RASIP1: variants seen among roughly 807,000 people sequenced by gnomAD.
RASIP1 encodes ras-interacting protein 1.
A neutral mutation model predicts 85.3 loss-of-function variants in RASIP1; 20 were observed. The ratio of observed to expected loss-of-function variants is 0.23; its 90% CI spans 0.17 to 0.34. The LOEUF (loss-of-function observed/expected upper bound fraction) is 0.34. Among genes scored for constraint, RASIP1 ranks in the 10% least tolerant of loss-of-function variants. RASIP1 has a pLI of 1.00. For missense variants in RASIP1, 1,170 were observed against 1,390.9 expected (o/e 0.84, Z 2.53); for synonymous variants, 617 against 647.1 (o/e 0.95, Z 0.71).
intron 4 of RASIP1, among the ~76,000 whole-genome samples, chr19:48,734,201 A>G (rs1380637362): frequency 6.6e-6 from 1 of 151,716 alleles, no homozygotes; most frequent in East Asian, 2.0e-4. Context: ...AGGCTGAGGC[A>G]GGAGAATGGC....
Position 48,732,048 on chromosome 19 carries a change from C to CT in RASIP1, c.1180-2459dup, listed in dbSNP as rs370478364. On this transcript the variant is annotated intron_variant, in intron 4 of 11. Coordinates refer to ENST00000222145, the MANE Select transcript of RASIP1 (RefSeq NM_017805.3). ...AAGGAATGAACAATTCAAATGAAACCTTTTTTTTTTAATCTCTTTTTTTTT... is the reference window on the plus strand; with the variant it reads ...AAGGAATGAACAATTCAAATGAAACCTTTTTTTTTTTAATCTCTTTTTTTTT... Among the ~76,000 whole-genome samples the CT allele has an allele frequency of 3.7e-3, 548 of 146,334 alleles. 2 individuals are homozygous for CT. Among genetic ancestry groups the CT allele is most frequent in the Middle Eastern group, 0.014 (4 of 288 alleles).
chr19:48,727,168 G>A lies in RASIP1; in HGVS notation c.1872-10C>T, dbSNP rs1351862646. The A allele has an allele frequency of 3.1e-6, 5 of 1,613,260 alleles. No individual in the cohort carries two copies. The highest frequency in any genetic ancestry group is 1.7e-5 in the Admixed American group (1 of 59,972). On this transcript the variant is annotated splice_polypyrimidine_tract_variant and intron_variant, in intron 6 of 11. Coordinates refer to ENST00000222145, the MANE Select transcript of RASIP1 (RefSeq NM_017805.3). ...GACCCCCTCAGGGTGGCTTGAAAAA[G>A]AGGAAGGAATTTGTGATCCCTGCCC...
At chr19:48,734,399 G>A (rs1178954073) in intron 4 of RASIP1, among the ~76,000 whole-genome samples, 2 of 150,842 alleles carry the variant, frequency 1.3e-5, no homozygotes, top group Non-Finnish European at 2.9e-5. Context: ...CGGAAGCCTC[G>A]ACCTCCTGAG....
At chr19:48,732,983 C>T (rs988542403) in intron 4 of RASIP1, among the ~76,000 whole-genome samples, 2 of 152,180 alleles carry the variant, frequency 1.3e-5, no homozygotes, top group African/African-American at 4.8e-5. Context: ...CCATTGTTAA[C>T]CATCAGTTGG....
At chr19:48,727,790 G>T (rs764165192) in intron 5 of RASIP1, among the ~76,000 whole-genome samples, 12 of 150,530 alleles carry the variant, frequency 8.0e-5, no homozygotes, top group Non-Finnish European at 1.6e-4. Context: ...AGGTTCAAGT[G>T]ATTCTCCTGC....
intron 4 of RASIP1, 114 bp from the exon 5 acceptor site, chr19:48,729,704 TTCTTC>T: frequency 7.9e-6 from 7 of 883,724 alleles, no homozygotes; most frequent in Non-Finnish European, 1.2e-5. Context: ...TTTTTCCTTC[TTCTTC>T]TTTTTTTTTT....
rs2033621887 is a variant in RASIP1, at chr19:48,738,943, C to T, written c.823+17G>A. 7 of 1,208,310 alleles carry T rather than the reference C, an allele frequency of 5.8e-6. No homozygotes were observed. Among genetic ancestry groups the T allele is most frequent in the Non-Finnish European group, 7.2e-6 (7 of 973,602 alleles). 74.8% of individuals were successfully genotyped at this position (1,208,310 alleles called of 1,614,324 possible). On this transcript the variant is annotated intron_variant, in intron 3 of 11. Transcript: ENST00000222145. This position sits in a 1 kb window ranked among gnomAD's most constrained non-coding sequence, Gnocchi z 4.0. ...CTGGCACCGAGTCCCCGCCCCAGAG[C>T]CCCGCCCGCCGCTCACCTTCGCTGT... is the stretch of plus-strand genomic sequence containing the variant.
In RASIP1 at chr19:48,738,500, C is replaced by T. The variant is rs568573358; in HGVS notation, c.823+460G>A. On this transcript the variant is annotated intron_variant, in intron 3 of 11. Coordinates refer to ENST00000222145, the MANE Select transcript of RASIP1 (RefSeq NM_017805.3). The surrounding 1 kb of genome is among the most constrained non-coding windows in gnomAD (Gnocchi z 4.0). ...CTCTAACCTACCACACAGGGCGAAT[C>T]CCTTAGGCCCCTGCGGACTCCTGCC... 3.2e-5 allele frequency: 5 copies of T among 154,140 alleles called. No individual in the cohort carries two copies. Among genetic ancestry groups the T allele is most frequent in the Middle Eastern group, 6.7e-3 (2 of 300 alleles). The allele number at this position is 154,140 out of a possible 1,614,324, so 9.5% of individuals were successfully genotyped here.
Position 48,739,019 on chromosome 19 carries a change from C to G in RASIP1, c.764G>C (p.Arg255Pro). The change falls in exon 3 of 12, where the codon CGC (arginine) becomes CCC (proline). Residue 255 changes from arginine to proline, a missense_variant. Coordinates refer to ENST00000222145, the MANE Select transcript of RASIP1 (RefSeq NM_017805.3). This position sits in a 1 kb window ranked among gnomAD's most constrained non-coding sequence, Gnocchi z 9.2. ...CAGGCGCCGCGCCTCCTCGCGGCCG[C>G]GCAACTCGAAGCGCCGCGCCCAGCC... is the stretch of plus-strand genomic sequence containing the variant. ...RPGWARRFEL[R>P]GREEARRLEQ... The G allele has an allele frequency of 8.0e-7, 1 of 1,246,890 alleles. No individual in the cohort carries two copies. The highest frequency in any genetic ancestry group is 1.0e-6 in the Non-Finnish European group (1 of 999,330). The allele number at this position is 1,246,890 out of a possible 1,614,324, so 77.2% of individuals were successfully genotyped here. A position where few individuals can be genotyped will look rare whatever the true frequency, so the allele number is the denominator to read the frequency against.
At chr19:48,722,944 GGCAT>G (rs1356498195) in intron 10 of RASIP1, among the ~76,000 whole-genome samples, 1 of 152,096 alleles carries the variant, frequency 6.6e-6, no homozygotes, top group Non-Finnish European at 1.5e-5. Flanking sequence ...GGAGTACAGT[GGCAT>G]GACTGTGGCT....
chr19:48,724,616 G>A lies in RASIP1; in HGVS notation c.2371+101C>T, dbSNP rs1243217643. 2.5e-6 allele frequency: 4 copies of A among 1,573,604 alleles called. No individual in the cohort carries two copies. Among genetic ancestry groups the A allele is most frequent in the African/African-American group, 1.3e-5 (1 of 74,152 alleles). On this transcript the variant is annotated intron_variant, in intron 9 of 11. Coordinates refer to ENST00000222145, the MANE Select transcript of RASIP1 (RefSeq NM_017805.3). This position sits in a 1 kb window ranked among gnomAD's most constrained non-coding sequence, Gnocchi z 4.6. ...CTGGGATCTGGAGCTTGTTCTCCAGGGTACCCAAAGGTGAGGCTTGAGCCC... is the reference window on the plus strand; with the variant it reads ...CTGGGATCTGGAGCTTGTTCTCCAGAGTACCCAAAGGTGAGGCTTGAGCCC...
At chr19:48,725,088 C>G (rs1364128216) in intron 8 of RASIP1, 128 bp from the exon 9 acceptor site, 1 of 1,158,854 alleles carries the variant, frequency 8.6e-7, no homozygotes, top group Non-Finnish European at 1.2e-6. Context: ...ATTCTACAGT[C>G]AACACCCAAA....
At position 48,739,582 on chromosome 19, in the gene RASIP1, C is replaced by T. The variant is rs1366400319; in HGVS notation, c.201G>A (p.Val67=). The change falls in exon 3 of 12, where the codon GTG becomes GTA. Residue 67 remains valine, a synonymous_variant. Transcript: ENST00000222145. This position sits in a 1 kb window ranked among gnomAD's most constrained non-coding sequence, Gnocchi z 9.2. ...TGACAGCGCCCACTCGCCGCAGCTCCACGTGCGGCGGGGGCGGAGGTAGCG... is the reference window on the plus strand; with the variant it reads ...TGACAGCGCCCACTCGCCGCAGCTCTACGTGCGGCGGGGGCGGAGGTAGCG... ...SEPLPPPPPH[V]ELRRVGAVKA... The T allele has an allele frequency of 2.7e-6, 4 of 1,491,392 alleles. No homozygotes were observed. The African/African-American group carries it at 5.7e-5, about 21-fold the overall frequency. The allele number at this position is 1,491,392 out of a possible 1,614,324, so 92.4% of individuals were successfully genotyped here.
chr19:48,737,937 T>C, intron 3 of RASIP1: 1 of 984,400 alleles, frequency 1.0e-6, no homozygotes, highest in Non-Finnish European at 1.2e-6. Context: ...GGACAGTTTT[T>C]TGTTTGTTTG....
rs1455805584 is a variant in RASIP1, at chr19:48,739,183, G to A, written c.600C>T (p.Asp200=). 1 of 1,470,644 alleles carries A rather than the reference G, an allele frequency of 6.8e-7. No homozygotes were observed. Among genetic ancestry groups the A allele is most frequent in the Non-Finnish European group, 8.9e-7 (1 of 1,118,178 alleles). The allele number at this position is 1,470,644 out of a possible 1,614,324, so 91.1% of individuals were successfully genotyped here. A position where few individuals can be genotyped will look rare whatever the true frequency, so the allele number is the denominator to read the frequency against. ...GGGPGESSCV[D]AFALCDALGR... is the part of the protein sequence containing the mutation. ...CCAGAGCGTCGCACAAAGCGAAGGC[G>A]TCCACGCAGCTGCTCTCGCCGGGGC... Residue 200 remains aspartate (D), a synonymous_variant, in exon 3 of 12, where the codon GAC becomes GAT. Coordinates refer to ENST00000222145, the MANE Select transcript of RASIP1 (RefSeq NM_017805.3). This position sits in a 1 kb window ranked among gnomAD's most constrained non-coding sequence, Gnocchi z 9.2.
At chr19:48,730,486 T>G (rs1229256574) in intron 4 of RASIP1, among the ~76,000 whole-genome samples, 1 of 152,026 alleles carries the variant, frequency 6.6e-6, no homozygotes, top group East Asian at 1.9e-4. Flanking sequence ...TAACATGGGC[T>G]CTACCATTTC....
At position 48,724,269 on chromosome 19, in the gene RASIP1, A is replaced by G; in HGVS notation, c.2544+68T>C. On this transcript the variant is annotated intron_variant, in intron 10 of 11. Coordinates refer to ENST00000222145, the MANE Select transcript of RASIP1 (RefSeq NM_017805.3). This position sits in a 1 kb window ranked among gnomAD's most constrained non-coding sequence, Gnocchi z 4.6. ...GGGGAGCTCTGACGGTGAGCTGAATATAGAAGGTGGCTGAGGGGGGTTGAG... is the reference window on the plus strand; with the variant it reads ...GGGGAGCTCTGACGGTGAGCTGAATGTAGAAGGTGGCTGAGGGGGGTTGAG... 2.0e-6 allele frequency: 3 copies of G among 1,523,534 alleles called. No individual in the cohort carries two copies. The highest frequency in any genetic ancestry group is 2.1e-4 in the Middle Eastern group (1 of 4,748). The allele number at this position is 1,523,534 out of a possible 1,614,324, so 94.4% of individuals were successfully genotyped here. A position where few individuals can be genotyped will look rare whatever the true frequency, so the allele number is the denominator to read the frequency against.
Position 48,740,583 on chromosome 19 carries a change from T to C in RASIP1, c.-67A>G. On this transcript the variant is annotated 5_prime_UTR_variant, in exon 1 of 12. Coordinates refer to ENST00000222145, the MANE Select transcript of RASIP1 (RefSeq NM_017805.3). The surrounding 1 kb of genome is among the most constrained non-coding windows in gnomAD (Gnocchi z 5.5). Reference sequence around the variant, plus strand: ...CACTGGCCTGGGTCAGTTCCACTGCTCTTGCCTCTGCCACGGCTCCCAGCA... The same window carrying C: ...CACTGGCCTGGGTCAGTTCCACTGCCCTTGCCTCTGCCACGGCTCCCAGCA... 1 of 1,390,046 alleles carries C rather than the reference T, an allele frequency of 7.2e-7. No homozygotes were observed. The highest frequency in any genetic ancestry group is 9.3e-7 in the Non-Finnish European group (1 of 1,075,280). 86.1% of individuals were successfully genotyped at this position (1,390,046 alleles called of 1,614,324 possible).
In RASIP1 at chr19:48,724,229, T is replaced by C; in HGVS notation, c.2544+108A>G. 1.7e-6 allele frequency: 2 copies of C among 1,180,906 alleles called. No homozygotes were observed. The highest frequency in any genetic ancestry group is 4.9e-5 in the East Asian group (2 of 40,446). 73.2% of individuals were successfully genotyped at this position (1,180,906 alleles called of 1,614,324 possible). ...ACAGTGTCTGAGCTGGGGCTGGGGA[T>C]GGCATGGGGTTCAAGGGGAGCTCTG... On this transcript the variant is annotated intron_variant, in intron 10 of 11. Transcript: ENST00000222145. The surrounding 1 kb of genome is among the most constrained non-coding windows in gnomAD (Gnocchi z 4.6).
Sources: gnomAD v4.1 joint callset for allele counts (sites outside exome capture counted in the v4.1 genomes callset) on GRCh38, gnomAD v4.1.1 for gene constraint, Gnocchi (gnomAD v3.1) non-coding constraint, MANE v1.5 for transcripts, NCBI Gene and HGNC (gene_info 2026-07-23, HGNC 2026-07-21) for gene names.